The following PINK1 variants were observed in gnomAD, a reference collection of about 807,000 sequenced individuals.
The protein encoded by PINK1 is serine/threonine-protein kinase PINK1, mitochondrial.
Under a neutral mutation model 56.0 loss-of-function variants are expected in PINK1, and 58 were observed. The ratio of observed to expected loss-of-function variants is 1.04; its 90% CI spans 0.84 to 1.29. The LOEUF is 1.29. PINK1 is among the 50% of genes most tolerant of loss of function. The pLI, the probability that PINK1 is intolerant of heterozygous loss-of-function variation, is 0.00. For missense variants in PINK1, 745 were observed against 777.9 expected, an observed-to-expected ratio of 0.96 and a Z score of 0.50; for synonymous variants, 354 against 339.3, an observed-to-expected ratio of 1.04 and a Z score of -0.48.
At position 20,633,949 on chromosome 1, in the gene PINK1, G is replaced by C. The variant is rs117438827; in HGVS notation, c.387+14G>C. 2 of 1,579,856 alleles carry C rather than the reference G, an allele frequency of 1.3e-6. No individual in the cohort carries two copies. Among genetic ancestry groups the C allele is most frequent in the Non-Finnish European group, 1.7e-6 (2 of 1,167,226 alleles). On this transcript the variant is annotated intron_variant, in intron 1 of 7. Transcript: ENST00000321556. ...CAGGAGATCCAGGTGAGCGGGGCCGGGTCCTAAGCCGAGCGGAGGACGGAG... is the reference window on the plus strand; with the variant it reads ...CAGGAGATCCAGGTGAGCGGGGCCGCGTCCTAAGCCGAGCGGAGGACGGAG...
At chr1:20,646,517 G>A (rs370519926) in intron 5 of PINK1, among the ~76,000 whole-genome samples, 33 of 152,102 alleles carry the variant, frequency 2.2e-4, no homozygotes, top group East Asian at 2.1e-3. Flanking sequence ...GGTGGCGGGC[G>A]CCTGTAATCT....
intron 5 of PINK1, among the ~76,000 whole-genome samples, chr1:20,646,945 T>C (rs2053189722): frequency 6.6e-6 from 1 of 151,992 alleles, no homozygotes; most frequent in African/African-American, 2.4e-5. Context: ...AGTGGCGCCA[T>C]CTCAGCTCAC....
At chr1:20,649,764 CAAAAAAAAA>C in intron 7 of PINK1, 1 of 88,808 alleles carries the variant, frequency 1.1e-5, no homozygotes, top group Admixed American at 1.2e-4. Context: ...GTCTTTGTCT[CAAAAAAAAA>C]AAAAAAAAAA....
chr1:20,636,677 G>A (rs2053059977), intron 1 of PINK1, among the ~76,000 whole-genome samples: 1 of 152,148 alleles, frequency 6.6e-6, no homozygotes, highest in Non-Finnish European at 1.5e-5. Flanking sequence ...CAAAGTTATA[G>A]TGCAAGGTTA....
intron 6 of PINK1, 164 bp from the exon 7 acceptor site, chr1:20,648,831 C>G: frequency 8.0e-7 from 1 of 1,243,220 alleles, no homozygotes; most frequent in East Asian, 2.5e-5. Flanking sequence ...GTCACATAAA[C>G]CAGGTGGTCT....
chr1:20,635,489 AGACTCT>A (rs2053047925), intron 1 of PINK1, among the ~76,000 whole-genome samples: 1 of 151,572 alleles, frequency 6.6e-6, no homozygotes, highest in Admixed American at 6.6e-5. Flanking sequence ...TGACAGAGCA[AGACTCT>A]GACTGGGGGG....
chr1:20,642,835 T>C (rs1481262919), intron 3 of PINK1: 2 of 152,116 alleles, frequency 1.3e-5, no homozygotes, highest in Non-Finnish European at 2.9e-5. Flanking sequence ...GCCCAGCTAA[T>C]TTTTGTAGTT....
chr1:20,645,672 A>G lies in PINK1; in HGVS notation c.1072A>G (p.Ile358Val), dbSNP rs1237810987. ...EGVDHLVQQG[I>V]AHRDLKSDNI... is the part of the protein sequence containing the mutation. ...CGTGGACCATCTGGTTCAACAGGGC[A>G]TCGCGCACAGAGACCTGAAATCCGA... Residue 358 changes from isoleucine to valine, a missense_variant, in exon 5 of 8, where the codon ATC (isoleucine) becomes GTC (valine). Ile to Val is a conservative substitution (Grantham distance 29). Transcript: ENST00000321556. 6.2e-7 allele frequency: 1 copy of G among 1,613,982 alleles called. No individual in the cohort carries two copies. Among genetic ancestry groups the G allele is most frequent in the African/African-American group, 1.3e-5 (1 of 74,904 alleles).
intron 5 of PINK1, among the ~76,000 whole-genome samples, chr1:20,646,855 ATTATTTCT>A (rs1323280300): frequency 4.5e-5 from 5 of 110,680 alleles, no homozygotes; most frequent in African/African-American, 9.8e-5. Flanking sequence ...ACTGGCTTTT[ATTATTTCT>A]TTATTTATTT....
rs752424503 is a variant in PINK1 at position 20,648,545 on chromosome 1, C to T, written c.1164C>T (p.Cys388=). 1.8e-5 allele frequency: 29 copies of T among 1,614,022 alleles called. No individual in the cohort carries two copies. The highest frequency in any genetic ancestry group is 2.2e-5 in the Non-Finnish European group (26 of 1,180,020). The change falls in exon 6 of 8, where the codon TGC becomes TGT. Residue 388 remains cysteine, a synonymous_variant. Transcript: ENST00000321556. ...PWLVIADFGC[C]LADESIGLQL... is the part of the protein sequence containing the mutation. ...TGGTGATCGCAGATTTTGGCTGCTG[C>T]CTGGCTGATGAGAGCATCGGCCTGC...
rs367788556 is a variant in PINK1, at chr1:20,644,475, C to T, written c.777-15C>T. The T allele has an allele frequency of 1.7e-5, 27 of 1,613,990 alleles. No individual in the cohort carries two copies. Among genetic ancestry groups the T allele is most frequent in the Non-Finnish European group, 2.3e-5 (27 of 1,179,930 alleles). ...TGATGCTGGCCTCATATGTTTGTCT[C>T]ACTTGGCTGACTAGAAAATCCAAGA... is the stretch of plus-strand genomic sequence containing the variant. On this transcript the variant is annotated splice_polypyrimidine_tract_variant and intron_variant, in intron 3 of 7. Transcript: ENST00000321556.
chr1:20,635,663 A>G lies in PINK1; in HGVS notation c.387+1728A>G, dbSNP rs186200948. On this transcript the variant is annotated intron_variant, in intron 1 of 7. Transcript: ENST00000321556. ...GGAGATCGAGACCATCCTGGCTAAC[A>G]TGGTGAAACCCCGCCTCTACTAAAA... 7.6e-4 allele frequency among the ~76,000 whole-genome samples: 115 copies of G among 151,688 alleles called. 1 individual carries two copies. The highest frequency in any genetic ancestry group is 2.3e-3 in the African/African-American group (94 of 41,362).
At position 20,649,670 on chromosome 1, in the gene PINK1, CAGG is replaced by C. The variant is rs555951947; in HGVS notation, c.1488+442_1488+444del. On this transcript the variant is annotated intron_variant, in intron 7 of 7. Coordinates refer to ENST00000321556, the MANE Select transcript of PINK1 (RefSeq NM_032409.3). ...ATTCCAGGTACTCGGGAGGCTGAAG[CAGG>C]AGAATCGTTTGAACCCTGGAGGCAG... 1,063 of 195,436 alleles carry C rather than the reference CAGG, an allele frequency of 5.4e-3. 6 individuals are homozygous for C. Among genetic ancestry groups the C allele is most frequent in the Middle Eastern group, 0.02 (9 of 440 alleles). 12.1% of individuals were successfully genotyped at this position (195,436 alleles called of 1,614,324 possible). A position where few individuals can be genotyped will look rare whatever the true frequency, so the allele number is the denominator to read the frequency against.
At chr1:20,637,724 T>C in intron 1 of PINK1, 118 bp from the exon 2 acceptor site, 9 of 1,208,528 alleles carry the variant, frequency 7.4e-6, no homozygotes, top group Non-Finnish European at 2.4e-6. Flanking sequence ...TTTTTCTGGT[T>C]TATTGATCTG....
intron 2 of PINK1, chr1:20,638,924 A>G (rs548005600): frequency 3.9e-5 from 6 of 152,480 alleles, no homozygotes; most frequent in African/African-American, 1.2e-4. Context: ...AGAGGCTTGC[A>G]TGTCAACTCC....
At chr1:20,642,013 A>G (rs1032814998) in intron 3 of PINK1, among the ~76,000 whole-genome samples, 1 of 152,020 alleles carries the variant, frequency 6.6e-6, no homozygotes, top group Admixed American at 6.6e-5. Flanking sequence ...CAGGGGCCCG[A>G]GGGTGGAAAC....
intron 1 of PINK1, among the ~76,000 whole-genome samples, chr1:20,635,914 C>T (rs982849241): frequency 9.2e-5 from 14 of 152,152 alleles, no homozygotes; most frequent in African/African-American, 3.4e-4. Context: ...TGCCTATAAT[C>T]CTGGTGCTTT....
intron 5 of PINK1, 187 bp from the exon 6 acceptor site, chr1:20,648,318 A>G: frequency 1.4e-6 from 1 of 735,714 alleles, no homozygotes; most frequent in Non-Finnish European, 2.3e-6. Flanking sequence ...TACTTACTGG[A>G]GGCATTTCCG....
Position 20,644,657 on chromosome 1 carries a change from T to C in PINK1, c.944T>C (p.Phe315Ser). The change falls in exon 4 of 8, where the codon TTC becomes TCC. Residue 315 changes from phenylalanine (F) to serine (S), a missense_variant. Coordinates refer to ENST00000321556, the MANE Select transcript of PINK1 (RefSeq NM_032409.3). ...GGCCTGGGCCATGGCCGGACGCTGTTCCTCGTTATGAAGAAGTAAGTGACA... is the reference window on the plus strand; with the variant it reads ...GGCCTGGGCCATGGCCGGACGCTGTCCCTCGTTATGAAGAAGTAAGTGACA... The part of the protein sequence containing the change: ...PEGLGHGRTL[F>S]LVMKNYPCTL... 6.2e-7 allele frequency: 1 copy of C among 1,614,216 alleles called. No individual in the cohort carries two copies. The highest frequency in any genetic ancestry group is 8.5e-7 in the Non-Finnish European group (1 of 1,180,042).
Sources: gnomAD v4.1 joint callset for allele counts (sites outside exome capture counted in the v4.1 genomes callset) on GRCh38, gnomAD v4.1.1 for gene constraint, MANE v1.5 for transcripts, NCBI Gene and HGNC (gene_info 2026-07-23, HGNC 2026-07-21) for gene names.